CNTN5: variants seen among roughly 807,000 people sequenced by gnomAD.
The protein encoded by CNTN5 is contactin-5.
A neutral mutation model predicts 129.1 loss-of-function variants in CNTN5; 77 were observed. The observed-to-expected ratio is 0.60, with a 90% CI of 0.50 to 0.72. CNTN5 has a LOEUF of 0.72. Among genes scored for constraint, CNTN5 ranks in the 30% least tolerant of loss-of-function variants. The probability of loss-of-function intolerance (pLI) is 0.00; values close to 1 mark genes in which losing one functional copy is unlikely to be tolerated. For missense variants in CNTN5, 1,478 were observed against 1,328.8 expected, an observed-to-expected ratio of 1.11 and a Z score of -1.75; for synonymous variants, 509 against 465.6, an observed-to-expected ratio of 1.09 and a Z score of -1.20.
intron 13 of CNTN5, among the ~76,000 whole-genome samples, chr11:100,102,849 C>G (rs1945276678): frequency 6.6e-6 from 1 of 152,106 alleles, no homozygotes; most frequent in Non-Finnish European, 1.5e-5. Flanking sequence ...TAGCACTAGG[C>G]TTAATGTGAT....
intron 2 of CNTN5, among the ~76,000 whole-genome samples, chr11:99,382,845 C>CTTTT (rs1163660333): frequency 0.027 from 2,071 of 76,804 alleles, 420 homozygotes; most frequent in Non-Finnish European, 0.032. Context: ...CTCTAAATAA[C>CTTTT]TTTTTTTTTT....
chr11:99,046,420 G>A (rs1864208888), intron 1 of CNTN5, among the ~76,000 whole-genome samples: 2 of 151,998 alleles, frequency 1.3e-5, no homozygotes, highest in Non-Finnish European at 2.9e-5. Flanking sequence ...TATAAATATA[G>A]GATATTAGAA....
chr11:99,143,820 T>C (rs1591268903), intron 1 of CNTN5, among the ~76,000 whole-genome samples: 2 of 152,176 alleles, frequency 1.3e-5, no homozygotes, highest in South Asian at 4.1e-4. Context: ...TTTGTATTGA[T>C]AGTTTACAGG....
chr11:99,885,354 C>T (rs1007618635), intron 6 of CNTN5, among the ~76,000 whole-genome samples: 1 of 152,046 alleles, frequency 6.6e-6, no homozygotes, highest in Non-Finnish European at 1.5e-5. Flanking sequence ...AAGCTGCCTA[C>T]ACAATAATGA....
intron 3 of CNTN5, among the ~76,000 whole-genome samples, chr11:99,671,943 C>A (rs532378855): frequency 6.6e-6 from 1 of 152,188 alleles, no homozygotes; most frequent in African/African-American, 2.4e-5. Context: ...TGAGGACTTT[C>A]AATCGTTGCA....
intron 9 of CNTN5, among the ~76,000 whole-genome samples, chr11:100,028,376 G>T (rs61910094): frequency 6.6e-6 from 1 of 152,016 alleles, no homozygotes; most frequent in Non-Finnish European, 1.5e-5. Flanking sequence ...TCTCTGAACT[G>T]CATTTTCAAA....
chr11:99,067,729 A>T lies in CNTN5; in HGVS notation c.-210+46459A>T, dbSNP rs145622316. Among the ~76,000 whole-genome samples the T allele has an allele frequency of 7.3e-3, 1,112 of 152,280 alleles. 9 individuals carry two copies. Among genetic ancestry groups the T allele is most frequent in the African/African-American group, 0.025 (1,058 of 41,566 alleles). On this transcript the variant is annotated intron_variant, in intron 1 of 24. Coordinates refer to ENST00000524871, the MANE Select transcript of CNTN5 (RefSeq NM_014361.4). ...CCTCTGTAGAAGCAGAATATATTAG[A>T]TAATTTATAATGTTGTAATATGAAG...
chr11:99,114,799 A>G (rs1211070129), intron 1 of CNTN5, among the ~76,000 whole-genome samples: 4 of 152,196 alleles, frequency 2.6e-5, no homozygotes, highest in Admixed American at 1.3e-4. Context: ...AGAGGTTGTC[A>G]TAAGTAGCAA....
intron 2 of CNTN5, among the ~76,000 whole-genome samples, chr11:99,422,510 TTATATTTTTATATATATATA>T (rs1444346096): frequency 4.9e-5 from 3 of 61,180 alleles, no homozygotes; most frequent in East Asian, 7.7e-4. Flanking sequence ...TCATGTTACT[TTATATTTTTATATATATATA>T]TATATATATA....
intron 6 of CNTN5, among the ~76,000 whole-genome samples, chr11:99,847,953 C>T (rs1214428390): frequency 6.6e-6 from 1 of 152,188 alleles, no homozygotes; most frequent in Non-Finnish European, 1.5e-5. Flanking sequence ...TGGCTCACGC[C>T]CATAACCCCA....
At chr11:99,525,914 T>C (rs1009055686) in intron 2 of CNTN5, among the ~76,000 whole-genome samples, 13 of 152,214 alleles carry the variant, frequency 8.5e-5, no homozygotes, top group Non-Finnish European at 1.8e-4. Context: ...AAACAAACAC[T>C]GACATGAGAT....
At chr11:99,221,408 A>G (rs1860391264) in intron 1 of CNTN5, among the ~76,000 whole-genome samples, 1 of 151,912 alleles carries the variant, frequency 6.6e-6, no homozygotes, top group Admixed American at 6.6e-5. Context: ...CTCTGATATT[A>G]TGATTTGTTT....
At chr11:99,235,768 T>A (rs1053684692) in intron 1 of CNTN5, among the ~76,000 whole-genome samples, 1 of 152,184 alleles carries the variant, frequency 6.6e-6, no homozygotes, top group Admixed American at 6.5e-5. Flanking sequence ...TTGCAAAATG[T>A]CCTATGAGGA....
intron 1 of CNTN5, among the ~76,000 whole-genome samples, chr11:99,213,963 A>T (rs2135680047): frequency 6.6e-6 from 1 of 152,276 alleles, no homozygotes; most frequent in South Asian, 2.1e-4. Context: ...TTTAACTAAA[A>T]TTTTTGAATC....
chr11:100,194,367 G>T (rs1162353316), intron 15 of CNTN5, among the ~76,000 whole-genome samples: 1 of 151,760 alleles, frequency 6.6e-6, no homozygotes, highest in Non-Finnish European at 1.5e-5. Flanking sequence ...ATGGAACTGG[G>T]GTGGCAGAAA....
intron 1 of CNTN5, among the ~76,000 whole-genome samples, chr11:99,218,443 G>T (rs1167367067): frequency 6.6e-6 from 1 of 151,996 alleles, no homozygotes; most frequent in Non-Finnish European, 1.5e-5. Flanking sequence ...CTTCAGCCGA[G>T]GTTTTTCCAC....
intron 3 of CNTN5, among the ~76,000 whole-genome samples, chr11:99,790,902 A>G (rs1336575932): frequency 6.6e-6 from 1 of 152,082 alleles, no homozygotes; most frequent in Non-Finnish European, 1.5e-5. Context: ...GCATTTCTCT[A>G]ATGACTAGTA....
intron 6 of CNTN5, among the ~76,000 whole-genome samples, chr11:99,913,396 C>T (rs1401826807): frequency 1.3e-5 from 2 of 151,776 alleles, no homozygotes; most frequent in African/African-American, 4.8e-5. Flanking sequence ...GAGAAATGTA[C>T]ATACCCCATG....
chr11:100,005,127 T>G (rs574671703), intron 9 of CNTN5, among the ~76,000 whole-genome samples: 23 of 152,136 alleles, frequency 1.5e-4, no homozygotes, highest in Non-Finnish European at 2.6e-4. Flanking sequence ...TTATTCCTAG[T>G]GCCTACCACA....
Sources: gnomAD v4.1 joint callset for allele counts (sites outside exome capture counted in the v4.1 genomes callset) on GRCh38, gnomAD v4.1.1 for gene constraint, MANE v1.5 for transcripts, NCBI Gene and HGNC (gene_info 2026-07-23, HGNC 2026-07-21) for gene names.